FAM53A: variants seen among roughly 807,000 people sequenced by gnomAD.
The protein encoded by FAM53A is protein FAM53A.
Under a neutral mutation model 26.6 loss-of-function variants are expected in FAM53A, and 28 were observed. The observed-to-expected ratio is 1.05, with a 90% CI of 0.78 to 1.45. FAM53A has a LOEUF of 1.45. Among genes scored for constraint, FAM53A ranks in the 40% most tolerant of loss-of-function variants. The pLI, the probability that FAM53A is intolerant of heterozygous loss-of-function variation, is 0.00. For missense variants in FAM53A, 650 were observed against 575.8 expected, an observed-to-expected ratio of 1.13 and a Z score of -1.32; for synonymous variants, 290 against 253.1, an observed-to-expected ratio of 1.15 and a Z score of -1.38.
At chr4:1,611,494 C>A in the FAM53A span, among the ~76,000 whole-genome samples, 76 of 152,328 alleles carry the variant, frequency 5.0e-4, no homozygotes, top group African/African-American at 1.7e-3. Context: ...GCCCAGCTGG[C>A]AGAGCCTCTC....
In FAM53A at chr4:1,630,700, G is replaced by A. The variant is rs550722989; in HGVS notation, c.432-12589C>T. On this transcript the variant is annotated intron_variant, in intron 1 of 1. Coordinates refer to the FAM53A transcript ENST00000489029. The surrounding 1 kb of genome is among the most constrained non-coding windows in gnomAD (Gnocchi z 4.3). Reference sequence around the variant, plus strand: ...CCGCACAGCATGATCCCACGTCTACGAAATGCCCAGCTCCACAGAGACAAC... The same window carrying A: ...CCGCACAGCATGATCCCACGTCTACAAAATGCCCAGCTCCACAGAGACAAC... Among the ~76,000 whole-genome samples, 91 of 152,180 alleles carry A rather than the reference G, an allele frequency of 6.0e-4. No individual in the cohort carries two copies. The highest frequency in any genetic ancestry group is 1.8e-3 in the African/African-American group (75 of 41,530).
the FAM53A span, among the ~76,000 whole-genome samples, chr4:1,586,534 G>C: frequency 5.3e-5 from 8 of 152,026 alleles, no homozygotes; most frequent in African/African-American, 1.9e-4. Flanking sequence ...CCAGCACTTT[G>C]GGGGTCCGAG....
At chr4:1,619,431 C>G (rs931497551) in intron 1 of FAM53A, among the ~76,000 whole-genome samples, 2 of 152,220 alleles carry the variant, frequency 1.3e-5, no homozygotes, top group African/African-American at 4.8e-5. Flanking sequence ...GGCTCCCTTG[C>G]CCAGCTCGGC....
chr4:1,664,484 G>A (rs1455666482), intron 2 of FAM53A, among the ~76,000 whole-genome samples: 1 of 152,150 alleles, frequency 6.6e-6, no homozygotes, highest in Non-Finnish European at 1.5e-5. Context: ...ACTATTTTAA[G>A]TCACCTTTGA....
chr4:1,642,141 C>T (rs1365050167), intron 4 of FAM53A, among the ~76,000 whole-genome samples: 8 of 152,304 alleles, frequency 5.3e-5, no homozygotes, highest in South Asian at 4.1e-4. Flanking sequence ...CCCACCTCGT[C>T]GGTGTCCTCA....
chr4:1,590,989 T>C, the FAM53A span, among the ~76,000 whole-genome samples: 8 of 126,848 alleles, frequency 6.3e-5, no homozygotes, highest in African/African-American at 1.7e-4. Context: ...TATATATATA[T>C]ATATATATAT....
chr4:1,625,606 C>A (rs1193621062), intron 1 of FAM53A, among the ~76,000 whole-genome samples: 3 of 91,248 alleles, frequency 3.3e-5, no homozygotes, highest in African/African-American at 9.9e-5. Flanking sequence ...GCCCCCATGT[C>A]CCGACCCACG....
intron 1 of FAM53A, 86 bp from the exon 2 acceptor site, chr4:1,668,991 T>C (rs1222018661): frequency 1.1e-5 from 5 of 450,414 alleles, no homozygotes; most frequent in Non-Finnish European, 2.0e-5. Context: ...GTCCCCTCTG[T>C]ATAAAGTATT....
chr4:1,590,918 T>G, the FAM53A span, among the ~76,000 whole-genome samples: 2 of 144,358 alleles, frequency 1.4e-5, no homozygotes, highest in Non-Finnish European at 1.5e-5. Flanking sequence ...TATTCTCAGT[T>G]GTAGTTTTAT....
chr4:1,675,227 C>CTA (rs1714964326), intron 1 of FAM53A, among the ~76,000 whole-genome samples: 3 of 152,146 alleles, frequency 2.0e-5, no homozygotes, highest in African/African-American at 7.2e-5. Context: ...GCTCCCGCTG[C>CTA]CAGAACTCAC....
the FAM53A span, among the ~76,000 whole-genome samples, chr4:1,598,867 G>T: frequency 6.6e-6 from 1 of 152,268 alleles, no homozygotes; most frequent in Non-Finnish European, 1.5e-5. Context: ...CAGCTCCGGG[G>T]CTAATAAATG....
intron 3 of FAM53A, 50 bp from the exon 4 acceptor site, chr4:1,655,773 G>C (rs770213299): frequency 6.8e-7 from 1 of 1,473,734 alleles, no homozygotes; most frequent in Non-Finnish European, 8.9e-7. Context: ...TGAGCCACAG[G>C]GCAGGCGACA....
At chr4:1,616,426 G>A (rs964777171), downstream of FAM53A, among the ~76,000 whole-genome samples, 4 of 142,910 alleles carry the variant, frequency 2.8e-5, no homozygotes, top group Middle Eastern at 3.3e-3. Context: ...CACGGGAGCC[G>A]AGCCATGATT....
chr4:1,639,586 C>T (rs1562362), downstream of FAM53A, among the ~76,000 whole-genome samples: 9,722 of 152,240 alleles, frequency 0.064, 399 homozygotes, highest in Middle Eastern at 0.16. Context: ...ACTGCCCCAA[C>T]GGAGGAGGGC....
At chr4:1,602,072 C>T in the FAM53A span, among the ~76,000 whole-genome samples, 33 of 151,876 alleles carry the variant, frequency 2.2e-4, 1 homozygote, top group Admixed American at 1.4e-3. Flanking sequence ...GTCACCTTGG[C>T]GTGCCAGGGC....
intron 4 of FAM53A, among the ~76,000 whole-genome samples, chr4:1,650,199 G>A (rs1435589692): frequency 1.5e-5 from 2 of 133,354 alleles, no homozygotes; most frequent in African/African-American, 5.8e-5. Flanking sequence ...ACTGTGAGGT[G>A]GCACAGGCGT....
chr4:1,666,312 C>T (rs1577140981), intron 2 of FAM53A, among the ~76,000 whole-genome samples: 2 of 122,600 alleles, frequency 1.6e-5, no homozygotes, highest in African/African-American at 3.3e-5. Context: ...CCTGCACCTG[C>T]ACCCCCTGTA....
the FAM53A span, among the ~76,000 whole-genome samples, chr4:1,589,693 G>T: frequency 1.3e-5 from 2 of 151,622 alleles, no homozygotes; most frequent in African/African-American, 4.8e-5. Flanking sequence ...GTTTTATTTG[G>T]GCTTTCTGAA....
intron 4 of FAM53A, among the ~76,000 whole-genome samples, chr4:1,649,526 G>T (rs1200598219): frequency 2.6e-5 from 4 of 152,246 alleles, no homozygotes; most frequent in Non-Finnish European, 4.4e-5. Flanking sequence ...CGAAATCTCA[G>T]CTGGTGAGGA....
Sources: allele counts gnomAD v4.1 joint callset (sites outside exome capture counted in the v4.1 genomes callset), GRCh38; gene constraint gnomAD v4.1.1; non-coding constraint Gnocchi (gnomAD v3.1); transcripts MANE v1.5; gene names NCBI Gene and HGNC (gene_info 2026-07-23, HGNC 2026-07-21).